SCFD2: variants seen among roughly 807,000 people sequenced by gnomAD.
SCFD2 encodes sec1 family domain containing 2.
A neutral mutation model predicts 58.9 loss-of-function variants in SCFD2; 54 were observed. That is an observed-to-expected ratio of 0.92 (90% CI 0.74 to 1.15). The LOEUF (loss-of-function observed/expected upper bound fraction) is 1.15, where lower values mean the gene tolerates loss of function less well. Ranked by LOEUF, SCFD2 falls within the 50% of genes most tolerant of loss-of-function variation. The pLI, the probability that SCFD2 is intolerant of heterozygous loss-of-function variation, is 0.00. For missense variants in SCFD2, 805 were observed against 836.6 expected, an observed-to-expected ratio of 0.96 and a Z score of 0.47; for synonymous variants, 321 against 335.9, an observed-to-expected ratio of 0.96 and a Z score of 0.49.
chr4:53,038,205 G>A (rs1264939569), intron 5 of SCFD2, among the ~76,000 whole-genome samples: 2 of 152,118 alleles, frequency 1.3e-5, no homozygotes, highest in Non-Finnish European at 2.9e-5. Flanking sequence ...AAAGAAAAAC[G>A]AATACAAGTC....
intron 4 of SCFD2, among the ~76,000 whole-genome samples, chr4:53,219,427 C>A (rs1728977750): frequency 6.6e-6 from 1 of 152,226 alleles, no homozygotes; most frequent in Non-Finnish European, 1.5e-5. Context: ...GTGTGGGACC[C>A]TCTGAGCCAT....
intron 5 of SCFD2, among the ~76,000 whole-genome samples, chr4:53,118,259 C>T (rs1725379153): frequency 6.6e-6 from 1 of 152,176 alleles, no homozygotes; most frequent in Non-Finnish European, 1.5e-5. Context: ...CTGCCTGGCA[C>T]ATAGTAGGTG....
chr4:53,147,786 A>T (rs898226137), intron 4 of SCFD2, among the ~76,000 whole-genome samples: 3 of 152,216 alleles, frequency 2.0e-5, no homozygotes, highest in African/African-American at 7.2e-5. Flanking sequence ...TGAGTTTTTT[A>T]AAAATTGCAA....
chr4:52,974,543 G>T (rs996716902), intron 5 of SCFD2, among the ~76,000 whole-genome samples: 112 of 152,096 alleles, frequency 7.4e-4, no homozygotes, highest in African/African-American at 2.4e-3. Flanking sequence ...TGGAAGAACA[G>T]TCCATGCTCA....
intron 4 of SCFD2, among the ~76,000 whole-genome samples, chr4:53,260,780 G>A (rs1730806598): frequency 6.6e-6 from 1 of 152,074 alleles, no homozygotes; most frequent in Non-Finnish European, 1.5e-5. Flanking sequence ...TCCCTATTGT[G>A]TGGAATAGTG....
At chr4:53,069,969 C>A (rs1723771951) in intron 5 of SCFD2, among the ~76,000 whole-genome samples, 1 of 151,870 alleles carries the variant, frequency 6.6e-6, no homozygotes, top group Admixed American at 6.6e-5. Flanking sequence ...TTTTTAAAGT[C>A]CTGACATATT....
At chr4:53,048,317 C>T (rs1269963717) in intron 5 of SCFD2, among the ~76,000 whole-genome samples, 1 of 151,960 alleles carries the variant, frequency 6.6e-6, no homozygotes, top group Non-Finnish European at 1.5e-5. Context: ...GCCACTGCAC[C>T]CCAGCCTAGG....
At chr4:52,955,604 C>T (rs779172444) in intron 5 of SCFD2, among the ~76,000 whole-genome samples, 2 of 152,146 alleles carry the variant, frequency 1.3e-5, no homozygotes, top group Non-Finnish European at 2.9e-5. Flanking sequence ...TCTAGAAGTC[C>T]AACCAAGCAG....
intron 5 of SCFD2, among the ~76,000 whole-genome samples, chr4:52,981,787 C>T (rs1721379904): frequency 6.6e-6 from 1 of 152,174 alleles, no homozygotes; most frequent in East Asian, 1.9e-4. Flanking sequence ...ACATTATATT[C>T]CAAGATGAAT....
intron 5 of SCFD2, among the ~76,000 whole-genome samples, chr4:52,997,653 G>A (rs922836947): frequency 3.9e-5 from 6 of 152,166 alleles, no homozygotes; most frequent in African/African-American, 1.4e-4. Flanking sequence ...TAGGCCTGGG[G>A]AAAACAGGTT....
chr4:52,907,305 C>A (rs1719369863), intron 7 of SCFD2, 152 bp downstream of exon 7: 2 of 748,438 alleles, frequency 2.7e-6, no homozygotes. Context: ...TGCTTATAAT[C>A]AAAAGATAAA....
chr4:53,253,506 T>C (rs1360034789), intron 4 of SCFD2, among the ~76,000 whole-genome samples: 3 of 151,964 alleles, frequency 2.0e-5, no homozygotes, highest in South Asian at 2.1e-4. Context: ...CCAACAATGA[T>C]AGACTGGATT....
chr4:53,280,423 C>G (rs1428609679), intron 3 of SCFD2, among the ~76,000 whole-genome samples: 3 of 151,634 alleles, frequency 2.0e-5, no homozygotes, highest in East Asian at 3.9e-4. Flanking sequence ...GGCTGAGACA[C>G]GAGAATTACC....
At chr4:53,063,016 T>C (rs1723558342) in intron 5 of SCFD2, among the ~76,000 whole-genome samples, 1 of 152,168 alleles carries the variant, frequency 6.6e-6, no homozygotes, top group African/African-American at 2.4e-5. Flanking sequence ...TAGTAATTTC[T>C]TGAGTTCTTT....
chr4:52,873,885 G>A lies in SCFD2; in HGVS notation c.*84C>T. 2.2e-6 allele frequency: 2 copies of A among 926,182 alleles called. No homozygotes were observed. Among genetic ancestry groups the A allele is most frequent in the South Asian group, 2.8e-5 (2 of 72,542 alleles). The allele number at this position is 926,182 out of a possible 1,614,324, so 57.4% of individuals were successfully genotyped here. A position where few individuals can be genotyped will look rare whatever the true frequency, so the allele number is the denominator to read the frequency against. On this transcript the variant is annotated 3_prime_UTR_variant, in exon 9 of 9. Transcript: ENST00000401642. ...TCTCGCAATTAGTGACAGGGACGCT[G>A]GTTGTGGAGGAGTATTTGGAGTGGT...
At chr4:53,257,717 G>A (rs1730690498) in intron 4 of SCFD2, among the ~76,000 whole-genome samples, 1 of 152,006 alleles carries the variant, frequency 6.6e-6, no homozygotes, top group Admixed American at 6.5e-5. Flanking sequence ...TGTGTAAAGA[G>A]CACCCAACTC....
intron 4 of SCFD2, among the ~76,000 whole-genome samples, chr4:53,216,362 G>T (rs1477748742): frequency 6.6e-6 from 1 of 152,008 alleles, no homozygotes. Context: ...ACTTCTTCCT[G>T]GTTTAGTCTT....
intron 4 of SCFD2, among the ~76,000 whole-genome samples, chr4:53,187,878 A>T (rs1727783350): frequency 6.6e-6 from 1 of 152,156 alleles, no homozygotes; most frequent in African/African-American, 2.4e-5. Context: ...AATTAACAAA[A>T]TAAAAATTAT....
intron 4 of SCFD2, among the ~76,000 whole-genome samples, chr4:53,155,990 G>A (rs543211641): frequency 1.1e-4 from 16 of 152,258 alleles, no homozygotes; most frequent in African/African-American, 1.9e-4. Flanking sequence ...TAAAGGCAGC[G>A]GCTCCAAACT....
Sources: allele counts gnomAD v4.1 joint callset (sites outside exome capture counted in the v4.1 genomes callset), GRCh38; gene constraint gnomAD v4.1.1; transcripts MANE v1.5; gene names NCBI Gene and HGNC (gene_info 2026-07-23, HGNC 2026-07-21).